JAKMIP1: variants seen among roughly 807,000 people sequenced by gnomAD.
JAKMIP1 encodes the protein janus kinase and microtubule interacting protein 1, also known as janus kinase and microtubule-interacting protein 1.
Under a neutral mutation model 113.0 loss-of-function variants are expected in JAKMIP1, and 33 were observed. The ratio of observed to expected loss-of-function variants is 0.29; its 90% CI spans 0.22 to 0.39. The LOEUF (loss-of-function observed/expected upper bound fraction) is 0.39. Ranked by LOEUF, JAKMIP1 falls within the 10% of genes least tolerant of loss-of-function variation. The probability of loss-of-function intolerance (pLI) is 1.00; values close to 1 mark genes in which losing one functional copy is unlikely to be tolerated. For missense variants in JAKMIP1, 813 were observed against 1,080.5 expected (o/e 0.75, Z 3.47); for synonymous variants, 480 against 459.9 (o/e 1.04, Z -0.56).
intron 1 of JAKMIP1, among the ~76,000 whole-genome samples, chr4:6,131,868 A>G (rs1177202364): frequency 6.6e-6 from 1 of 152,252 alleles, no homozygotes; most frequent in Admixed American, 6.5e-5. Context: ...TTATCCTTCA[A>G]AAATGAAGGA....
chr4:6,149,364 G>C (rs1190050444), intron 1 of JAKMIP1, among the ~76,000 whole-genome samples: 1 of 152,168 alleles, frequency 6.6e-6, no homozygotes, highest in Non-Finnish European at 1.5e-5. Context: ...GAGAAGAACT[G>C]CTTGGCCCAG....
Position 6,079,105 on chromosome 4 carries a change from G to A in JAKMIP1, c.1243-107C>T, listed in dbSNP as rs1720120690. ...GGCCTGCCCATCCGCACCAGGCATGGCTAGTTGAAGTTCTAAGTGCCCAAG... is the reference window on the plus strand; with the variant it reads ...GGCCTGCCCATCCGCACCAGGCATGACTAGTTGAAGTTCTAAGTGCCCAAG... On this transcript the variant is annotated intron_variant, in intron 7 of 20. Coordinates refer to ENST00000409021, the MANE Select transcript of JAKMIP1 (RefSeq NM_001099433.2). 12 of 1,150,702 alleles carry A rather than the reference G, an allele frequency of 1.0e-5. 1 individual carries two copies. In the South Asian group the frequency reaches 1.6e-4, roughly 15 times the overall value. 71.3% of individuals were successfully genotyped at this position (1,150,702 alleles called of 1,614,324 possible).
intron 18 of JAKMIP1, among the ~76,000 whole-genome samples, chr4:6,039,528 G>C (rs1714034651): frequency 6.6e-6 from 1 of 152,206 alleles, no homozygotes; most frequent in Non-Finnish European, 1.5e-5. Context: ...CCAGCCTGCA[G>C]GGTGTTTTCA....
rs1388834561 is a variant in JAKMIP1, at chr4:6,155,825, T to G, written c.-147-42828A>C. Among the ~76,000 whole-genome samples, 1 of 152,212 alleles carries G rather than the reference T, an allele frequency of 6.6e-6. No homozygotes were observed. The highest frequency in any genetic ancestry group is 2.4e-5 in the African/African-American group (1 of 41,462). ...TGATTCCCAAGTGTGCTTGCTAACA[T>G]GCAGCCTTCCTGGGTCCTGCCCTAG... On this transcript the variant is annotated intron_variant, in intron 1 of 20. Coordinates refer to ENST00000409021, the MANE Select transcript of JAKMIP1 (RefSeq NM_001099433.2). This position sits in a 1 kb window ranked among gnomAD's most constrained non-coding sequence, Gnocchi z 6.1.
chr4:6,160,179 T>C (rs1236800891), intron 1 of JAKMIP1, among the ~76,000 whole-genome samples: 1 of 151,630 alleles, frequency 6.6e-6, no homozygotes, highest in African/African-American at 2.4e-5. Context: ...AGAGAAGAAA[T>C]TAGGTCAGAG....
At chr4:6,126,335 AACAC>A (rs766092663) in intron 1 of JAKMIP1, among the ~76,000 whole-genome samples, 1 of 82,024 alleles carries the variant, frequency 1.2e-5, no homozygotes, top group African/African-American at 5.2e-5. Flanking sequence ...ACCTTGCAGA[AACAC>A]ACACACACAC....
chr4:6,081,801 A>C lies in JAKMIP1; in HGVS notation c.955-46T>G, dbSNP rs760534834. 8.1e-6 allele frequency: 13 copies of C among 1,611,576 alleles called. No homozygotes were observed. The highest frequency in any genetic ancestry group is 1.3e-5 in the African/African-American group (1 of 74,872). On this transcript the variant is annotated intron_variant, in intron 5 of 20. Transcript: ENST00000409021. This position sits in a 1 kb window ranked among gnomAD's most constrained non-coding sequence, Gnocchi z 4.6. ...AGAGGCTCAGACAACTTGACGACGG[A>C]CGGCCGAGGTCACAGCACCGAGGTG...
intron 8 of JAKMIP1, among the ~76,000 whole-genome samples, chr4:6,072,125 G>C (rs192789835): frequency 6.6e-6 from 1 of 152,170 alleles, no homozygotes; most frequent in Non-Finnish European, 1.5e-5. Flanking sequence ...GATTTACTGA[G>C]CACAAGACAA....
intron 16 of JAKMIP1, among the ~76,000 whole-genome samples, chr4:6,045,199 G>A (rs867234296): frequency 2.6e-5 from 4 of 152,230 alleles, no homozygotes; most frequent in African/African-American, 4.8e-5. Flanking sequence ...CCTATCCATC[G>A]TTACTAGTGA....
In JAKMIP1 at chr4:6,168,768, C is replaced by T. The variant is rs574367679; in HGVS notation, c.-148+31485G>A. On this transcript the variant is annotated intron_variant, in intron 1 of 20. Transcript: ENST00000409021. The surrounding 1 kb of genome is among the most constrained non-coding windows in gnomAD (Gnocchi z 4.6). ...CACAAAAATTAGCCAGGCCTGGTGG[C>T]ATGCCCCTGTGGTCCCAGCTACTTG... Among the ~76,000 whole-genome samples the T allele has an allele frequency of 1.3e-4, 19 of 151,994 alleles. No homozygotes were observed. The South Asian group carries it at 3.7e-3, about 30-fold the overall frequency.
intron 1 of JAKMIP1, among the ~76,000 whole-genome samples, chr4:6,182,138 C>G (rs967818572): frequency 6.6e-6 from 1 of 151,992 alleles, no homozygotes; most frequent in African/African-American, 2.4e-5. Context: ...GGAAACCAGG[C>G]TCGGTGGCTC....
intron 1 of JAKMIP1, among the ~76,000 whole-genome samples, chr4:6,195,050 G>A (rs1005869797): frequency 3.3e-5 from 5 of 152,188 alleles, no homozygotes; most frequent in Non-Finnish European, 7.3e-5. Flanking sequence ...CCTCACAACC[G>A]AGGGATGTGC....
intron 3 of JAKMIP1, among the ~76,000 whole-genome samples, chr4:6,098,670 GAGAAAGAA>G (rs757166386): frequency 4.1e-4 from 41 of 100,456 alleles, no homozygotes; most frequent in African/African-American, 2.0e-3. Context: ...AAGAAAGAGA[GAGAAAGAA>G]AGAAAGAAAG....
At position 6,197,809 on chromosome 4, in the gene JAKMIP1, G is replaced by C. The variant is rs1161122517; in HGVS notation, c.-148+2444C>G. Among the ~76,000 whole-genome samples the C allele has an allele frequency of 1.3e-5, 2 of 152,208 alleles. No individual in the cohort carries two copies. Among genetic ancestry groups the C allele is most frequent in the Non-Finnish European group, 1.5e-5 (1 of 68,036 alleles). On this transcript the variant is annotated intron_variant, in intron 1 of 20. Coordinates refer to ENST00000409021, the MANE Select transcript of JAKMIP1 (RefSeq NM_001099433.2). This position sits in a 1 kb window ranked among gnomAD's most constrained non-coding sequence, Gnocchi z 6.5. ...TGAAGAGACACAAGGTCCCACCCTC[G>C]AGGAGTTAAACAGATAGCCATAGCC...
In JAKMIP1 at chr4:6,069,752, C is replaced by CAA. The variant is rs56832267; in HGVS notation, c.1303-4746_1303-4745dup. 5.1e-4 allele frequency among the ~76,000 whole-genome samples: 64 copies of CAA among 125,072 alleles called. 1 individual carries two copies. In the South Asian group the frequency reaches 6.7e-3, roughly 13 times the overall value. 82.1% of individuals were successfully genotyped at this position (125,072 alleles called of 152,430 possible). A position where few individuals can be genotyped will look rare whatever the true frequency, so the allele number is the denominator to read the frequency against. ...TGGGTGACAGGGCAAGATCCTGTCTCAAAAAAAAAAAAAAAAAGATTCAGT... is the reference window on the plus strand; with the variant it reads ...TGGGTGACAGGGCAAGATCCTGTCTCAAAAAAAAAAAAAAAAAAAGATTCAGT... On this transcript the variant is annotated intron_variant, in intron 8 of 20. Coordinates refer to ENST00000409021, the MANE Select transcript of JAKMIP1 (RefSeq NM_001099433.2). This position sits in a 1 kb window ranked among gnomAD's most constrained non-coding sequence, Gnocchi z 4.5.
intron 1 of JAKMIP1, among the ~76,000 whole-genome samples, chr4:6,163,918 G>A (rs187932373): frequency 6.6e-6 from 1 of 152,342 alleles, no homozygotes; most frequent in East Asian, 1.9e-4. Flanking sequence ...AGAAGCTGCA[G>A]AATAAAAGTC....
rs1043346912 is a variant in JAKMIP1, at chr4:6,183,425, G to A, written c.-148+16828C>T. Among the ~76,000 whole-genome samples the A allele has an allele frequency of 6.6e-6, 1 of 150,674 alleles. No homozygotes were observed. Among genetic ancestry groups the A allele is most frequent in the African/African-American group, 2.4e-5 (1 of 41,008 alleles). ...ACCTGGGAGGCAGAGGTTACAGTGA[G>A]CCAAGATCATGCCATTGCACTCCAG... On this transcript the variant is annotated intron_variant, in intron 1 of 20. Transcript: ENST00000409021. This position sits in a 1 kb window ranked among gnomAD's most constrained non-coding sequence, Gnocchi z 5.3.
At position 6,112,419 on chromosome 4, in the gene JAKMIP1, T is replaced by TA. The variant is rs1715082129; in HGVS notation, c.129+302dup. On this transcript the variant is annotated intron_variant, in intron 2 of 20. Coordinates refer to ENST00000409021, the MANE Select transcript of JAKMIP1 (RefSeq NM_001099433.2). ...ATCCTCGAATCGTTCTTTGCTCAGT[T>TA]AATCTCTGCTAAACTGAATTTGTCA... Among the ~76,000 whole-genome samples the TA allele has an allele frequency of 1.3e-5, 2 of 152,376 alleles. 1 individual carries two copies. The highest frequency in any genetic ancestry group is 4.1e-4 in the South Asian group (2 of 4,826).
chr4:6,096,530 T>C (rs1472972420), intron 3 of JAKMIP1, among the ~76,000 whole-genome samples: 1 of 152,236 alleles, frequency 6.6e-6, no homozygotes, highest in Non-Finnish European at 1.5e-5. Flanking sequence ...GGTAAAATAA[T>C]ATTTGTCATT....
Sources: allele counts gnomAD v4.1 joint callset (sites outside exome capture counted in the v4.1 genomes callset), GRCh38; gene constraint gnomAD v4.1.1; non-coding constraint Gnocchi (gnomAD v3.1); transcripts MANE v1.5; gene names NCBI Gene and HGNC (gene_info 2026-07-23, HGNC 2026-07-21).